Variants in PDZRN3 observed in about 807,000 individuals in gnomAD.
PDZRN3 encodes PDZ domain containing ring finger 3, also known as E3 ubiquitin-protein ligase PDZRN3.
Under a neutral mutation model 85.7 loss-of-function variants are expected in PDZRN3, and 38 were observed. The ratio of observed to expected loss-of-function variants is 0.44; its 90% CI spans 0.34 to 0.58. PDZRN3 has a LOEUF of 0.58. Ranked by LOEUF, PDZRN3 falls within the 20% of genes least tolerant of loss-of-function variation. The pLI, the probability that PDZRN3 is intolerant of heterozygous loss-of-function variation, is 0.01. For synonymous variants in PDZRN3, 759 were observed against 638.0 expected (o/e 1.19, Z -2.86); for missense variants, 1,629 against 1,506.4 (o/e 1.08, Z -1.35).
rs748809996 is a variant in PDZRN3, at chr3:73,602,452, C to T, written c.820G>A (p.Asp274Asn). 22 of 1,535,132 alleles carry T rather than the reference C, an allele frequency of 1.4e-5. No homozygotes were observed. The East Asian group carries it at 2.3e-4, about 16-fold the overall frequency. The change falls in exon 3 of 10, where the codon GAT (aspartate) becomes AAT (asparagine). Residue 274 changes from aspartate (D) to asparagine (N), a missense_variant. By Grantham distance (23) the Asp-to-Asn change is conservative. Coordinates refer to ENST00000263666, the MANE Select transcript of PDZRN3 (RefSeq NM_015009.3). ...AAGATTCCTTCACTGGATGATCCAT[C>T]GTGGTTATCCTTTGGGTTAAAAAAA... ...IGGRPSVDNHDGSSSEGIFVS... is the reference protein window; with the variant it reads ...IGGRPSVDNHNGSSSEGIFVS...
chr3:73,453,768 CACAG>C (rs1355234725), intron 3 of PDZRN3, among the ~76,000 whole-genome samples: 4 of 152,160 alleles, frequency 2.6e-5, no homozygotes, highest in Non-Finnish European at 5.9e-5. Context: ...ACCTCACACA[CACAG>C]ACAATTGATC....
intron 3 of PDZRN3, chr3:73,569,242 A>G (rs754346802): frequency 2.8e-4 from 355 of 1,285,024 alleles, no homozygotes; most frequent in Non-Finnish European, 3.4e-4. Flanking sequence ...CAGTCTGCAA[A>G]GATGAACAAG....
At chr3:73,471,308 C>A (rs547128898) in intron 3 of PDZRN3, among the ~76,000 whole-genome samples, 162 of 152,284 alleles carry the variant, frequency 1.1e-3, no homozygotes, top group Non-Finnish European at 1.9e-3. Context: ...GGTCCCCCCC[C>A]AGGTTTCACA....
rs555607025 is a variant in PDZRN3 at position 73,499,213 on chromosome 3, C to T, written c.919-94818G>A. ...AGCAAATGCCAGGTGCCAGGCATTG[C>T]TCTGGGCACTGGTTACAAACATCAG... On this transcript the variant is annotated intron_variant, in intron 3 of 9. Coordinates refer to ENST00000263666, the MANE Select transcript of PDZRN3 (RefSeq NM_015009.3). Among the ~76,000 whole-genome samples the T allele has an allele frequency of 2.6e-5, 4 of 152,328 alleles. No individual in the cohort carries two copies. The East Asian group carries it at 7.7e-4, about 29-fold the overall frequency.
chr3:73,516,032 G>T (rs7647178), intron 3 of PDZRN3, among the ~76,000 whole-genome samples: 99,081 of 152,092 alleles, frequency 0.65, 32,478 homozygotes, highest in East Asian at 0.86. Context: ...CTGTCTAACT[G>T]AGCGTTTGGA....
chr3:73,402,908 T>C lies in PDZRN3; in HGVS notation c.1166+1240A>G, dbSNP rs368987482. On this transcript the variant is annotated intron_variant, in intron 4 of 9. Coordinates refer to ENST00000263666, the MANE Select transcript of PDZRN3 (RefSeq NM_015009.3). The stretch of plus-strand genomic sequence containing the variant: ...ACCCTAACATCAGCTGGAGAGGCTG[T>C]GTCCTCAGATGTGCAAAGTCACACA... 2.0e-5 allele frequency among the ~76,000 whole-genome samples: 3 copies of C among 151,028 alleles called. No homozygotes were observed. In the East Asian group the frequency reaches 5.8e-4, roughly 29 times the overall value.
chr3:73,560,959 A>G (rs1394881397), intron 3 of PDZRN3, among the ~76,000 whole-genome samples: 1 of 152,230 alleles, frequency 6.6e-6, no homozygotes, highest in Non-Finnish European at 1.5e-5. Context: ...AGCAGGGAAG[A>G]CAAGGGAAGG....
intron 3 of PDZRN3, among the ~76,000 whole-genome samples, chr3:73,589,533 T>C (rs1393960482): frequency 6.6e-6 from 1 of 152,234 alleles, no homozygotes; most frequent in Admixed American, 6.5e-5. Flanking sequence ...TTAAATCTGG[T>C]AAGTTTAATA....
chr3:73,457,811 G>A (rs1444358870), intron 3 of PDZRN3, among the ~76,000 whole-genome samples: 1 of 152,160 alleles, frequency 6.6e-6, no homozygotes, highest in Non-Finnish European at 1.5e-5. Context: ...ACCATGTGAG[G>A]ATGCAGCAAG....
intron 3 of PDZRN3, among the ~76,000 whole-genome samples, chr3:73,590,311 C>T (rs111529329): frequency 5.0e-4 from 72 of 143,740 alleles, no homozygotes; most frequent in African/African-American, 1.7e-3. Flanking sequence ...AAAGAAAAAA[C>T]GCAGATTAAA....
At chr3:73,554,099 T>C (rs1701631248) in intron 3 of PDZRN3, among the ~76,000 whole-genome samples, 1 of 152,010 alleles carries the variant, frequency 6.6e-6, no homozygotes, top group Non-Finnish European at 1.5e-5. Context: ...CAGCCTGAGA[T>C]GGAGAATAGA....
At chr3:73,512,807 T>C (rs1187551577) in intron 3 of PDZRN3, among the ~76,000 whole-genome samples, 1 of 152,184 alleles carries the variant, frequency 6.6e-6, no homozygotes, top group Non-Finnish European at 1.5e-5. Flanking sequence ...CCCTTTAAAA[T>C]GTTTTTAAAA....
chr3:73,487,525 T>G (rs892112378), intron 3 of PDZRN3, among the ~76,000 whole-genome samples: 2 of 152,198 alleles, frequency 1.3e-5, no homozygotes, highest in African/African-American at 4.8e-5. Context: ...GATGTCACAA[T>G]TGCTTGATCC....
chr3:73,420,453 A>G (rs907643026), intron 3 of PDZRN3, among the ~76,000 whole-genome samples: 2 of 152,226 alleles, frequency 1.3e-5, no homozygotes, highest in African/African-American at 4.8e-5. Flanking sequence ...TACTGAACAA[A>G]TACTGAATCT....
chr3:73,498,359 G>T (rs988684284), intron 3 of PDZRN3, among the ~76,000 whole-genome samples: 1 of 152,134 alleles, frequency 6.6e-6, no homozygotes, highest in African/African-American at 2.4e-5. Flanking sequence ...TTGGTAGTAT[G>T]TACCAAACTA....
intron 3 of PDZRN3, among the ~76,000 whole-genome samples, chr3:73,422,649 T>C (rs1371690411): frequency 1.3e-5 from 2 of 152,164 alleles, no homozygotes; most frequent in Non-Finnish European, 2.9e-5. Context: ...ATGGACAACT[T>C]TGAGAAAAAG....
At chr3:73,460,308 TC>T (rs1289054762) in intron 3 of PDZRN3, among the ~76,000 whole-genome samples, 1 of 152,190 alleles carries the variant, frequency 6.6e-6, no homozygotes, top group Non-Finnish European at 1.5e-5. Flanking sequence ...ATGCTAACAT[TC>T]TCTCCATTGA....
chr3:73,505,712 A>G (rs1704057631), intron 3 of PDZRN3, among the ~76,000 whole-genome samples: 1 of 152,192 alleles, frequency 6.6e-6, no homozygotes, highest in Non-Finnish European at 1.5e-5. Flanking sequence ...GTATCAGAAG[A>G]GCACACATAT....
rs571244737 is a variant in PDZRN3, at chr3:73,384,020, G to A, written c.2546C>T (p.Pro849Leu). The A allele has an allele frequency of 8.3e-5, 132 of 1,591,556 alleles. No individual in the cohort carries two copies. In the Admixed American group the frequency reaches 2.1e-3, roughly 26 times the overall value. ...GCTGCCCAGCTTCTGGCTGGGCGTGGGGCTCCGGCTCCCGTCGCTGGCTCT... is the reference window on the plus strand; with the variant it reads ...GCTGCCCAGCTTCTGGCTGGGCGTGAGGCTCCGGCTCCCGTCGCTGGCTCT... ...ERRASDGSRS[P>L]TPSQKLGSAY... Residue 849 changes from proline (P) to leucine (L), a missense_variant, in exon 10 of 10, where the codon CCC becomes CTC. Physicochemically the swap from Pro to Leu is moderately conservative, Grantham distance 98. Coordinates refer to ENST00000263666, the MANE Select transcript of PDZRN3 (RefSeq NM_015009.3).
Sources: allele counts gnomAD v4.1 joint callset (sites outside exome capture counted in the v4.1 genomes callset), GRCh38; gene constraint gnomAD v4.1.1; transcripts MANE v1.5; gene names NCBI Gene and HGNC (gene_info 2026-07-23, HGNC 2026-07-21).